Variants in NTM observed in about 807,000 individuals in gnomAD.
NTM encodes neurotrimin, also known as IgLON family member 2.
In NTM, 13 loss-of-function variants were observed where a neutral mutation model predicts 42.1. That is an observed-to-expected ratio of 0.31 (90% CI 0.20 to 0.49). NTM has a LOEUF of 0.49. NTM is among the 20% of genes least tolerant of loss of function. NTM has a pLI of 0.99. For synonymous variants in NTM, 187 were observed against 179.2 expected (o/e 1.04, Z -0.35); for missense variants, 373 against 452.8 (o/e 0.82, Z 1.60).
At chr11:132,275,342 A>G (rs1274528707) in intron 4 of NTM, among the ~76,000 whole-genome samples, 4 of 152,020 alleles carry the variant, frequency 2.6e-5, no homozygotes, top group Non-Finnish European at 4.4e-5. Context: ...AAATCAATTG[A>G]CTTTATATGT....
chr11:131,689,502 A>G (rs995746184), intron 1 of NTM, among the ~76,000 whole-genome samples: 1 of 152,252 alleles, frequency 6.6e-6, no homozygotes, highest in African/African-American at 2.4e-5. Flanking sequence ...TCCCTAGGCC[A>G]GACTCATGAG....
chr11:132,270,210 G>A (rs1391033879), intron 4 of NTM, among the ~76,000 whole-genome samples: 1 of 152,022 alleles, frequency 6.6e-6, no homozygotes, highest in Non-Finnish European at 1.5e-5. Flanking sequence ...ATTTTATTAA[G>A]AGACCATATA....
intron 1 of NTM, among the ~76,000 whole-genome samples, chr11:131,699,648 G>T (rs115809118): frequency 6.6e-6 from 1 of 152,102 alleles, no homozygotes; most frequent in Non-Finnish European, 1.5e-5. Context: ...GAGGCCTCAG[G>T]CAGCTTACAA....
intron 1 of NTM, among the ~76,000 whole-genome samples, chr11:131,524,191 G>A (rs925529829): frequency 6.6e-6 from 1 of 152,184 alleles, no homozygotes; most frequent in Non-Finnish European, 1.5e-5. Flanking sequence ...AGACAGCTTC[G>A]CTCTCACGCC....
At chr11:131,680,992 CGTGT>C (rs1484375308) in intron 1 of NTM, among the ~76,000 whole-genome samples, 1 of 18,612 alleles carries the variant, frequency 5.4e-5, no homozygotes, top group Non-Finnish European at 1.2e-4. Context: ...TGTGTGTGAG[CGTGT>C]GTGTTTCTGT....
Position 131,473,298 on chromosome 11 carries a change from A to T in NTM, c.82+102410A>T, listed in dbSNP as rs902772821. Among the ~76,000 whole-genome samples the T allele has an allele frequency of 6.6e-5, 10 of 152,108 alleles. No individual in the cohort carries two copies. In the East Asian group the frequency reaches 1.4e-3, roughly 21 times the overall value. ...TGTGGCATGGCAGCTCCATGTCCAA[A>T]CACAAATCTCCCATGCTTTGACAAC... On this transcript the variant is annotated intron_variant, in intron 1 of 8. Transcript: ENST00000683400.
At chr11:132,155,478 C>A (rs189813951) in intron 3 of NTM, among the ~76,000 whole-genome samples, 1 of 152,140 alleles carries the variant, frequency 6.6e-6, no homozygotes, top group African/African-American at 2.4e-5. Context: ...GATGTGGGTC[C>A]CTGTTCCCAG....
chr11:132,099,538 G>A (rs910995145), intron 2 of NTM, among the ~76,000 whole-genome samples: 2 of 152,138 alleles, frequency 1.3e-5, no homozygotes, highest in African/African-American at 4.8e-5. Context: ...CTAAAGGACT[G>A]AGGGACAAAG....
chr11:131,643,390 G>A (rs1489218445), intron 1 of NTM, among the ~76,000 whole-genome samples: 1 of 152,192 alleles, frequency 6.6e-6, no homozygotes, highest in Non-Finnish European at 1.5e-5. Flanking sequence ...GGGTGTGCGC[G>A]GAGCGGCCCA....
At chr11:131,840,869 G>A (rs544966905) in intron 1 of NTM, among the ~76,000 whole-genome samples, 7 of 152,218 alleles carry the variant, frequency 4.6e-5, no homozygotes, top group African/African-American at 1.4e-4. Flanking sequence ...TGAGGCCATC[G>A]GGCAAATCTG....
chr11:131,441,072 G>A (rs1949587641), intron 1 of NTM, among the ~76,000 whole-genome samples: 1 of 152,060 alleles, frequency 6.6e-6, no homozygotes, highest in South Asian at 2.1e-4. Context: ...TTGTTTTAAA[G>A]GGGTATTGGG....
Position 131,911,194 on chromosome 11 carries a change from TC to T in NTM, c.83-365del, listed in dbSNP as rs1209818031. 25 of 1,363,652 alleles carry T rather than the reference TC, an allele frequency of 1.8e-5. No homozygotes were observed. The African/African-American group carries it at 1.9e-4, about 10-fold the overall frequency. The allele number at this position is 1,363,652 out of a possible 1,614,324, so 84.5% of individuals were successfully genotyped here. On this transcript the variant is annotated intron_variant, in intron 1 of 8. Transcript: ENST00000683400. Reference sequence around the variant, plus strand: ...CCACACCTTTCACCTGCCGCGCGCTTCCCCCTCCTCGGCCACCTTCCCGGCG... The same window carrying T: ...CCACACCTTTCACCTGCCGCGCGCTTCCCCTCCTCGGCCACCTTCCCGGCG...
intron 1 of NTM, among the ~76,000 whole-genome samples, chr11:131,556,563 ATTT>A (rs34911090): frequency 1.7e-3 from 165 of 98,410 alleles, no homozygotes; most frequent in Middle Eastern, 4.8e-3. Context: ...ACACATAGGA[ATTT>A]TTTTTTTTTT....
chr11:131,537,321 C>T (rs2052422152), intron 1 of NTM: 1 of 152,196 alleles, frequency 6.6e-6, no homozygotes, highest in African/African-American at 2.4e-5. Flanking sequence ...GCCTGTCTCC[C>T]AAGCAGGGGC....
intron 1 of NTM, among the ~76,000 whole-genome samples, chr11:131,749,171 C>T (rs7950369): frequency 0.2 from 30,872 of 152,082 alleles, 4,569 homozygotes; most frequent in African/African-American, 0.42. Flanking sequence ...CAACTCAGTA[C>T]TGGAAATCAT....
At chr11:132,202,523 A>T (rs2138490556) in intron 3 of NTM, among the ~76,000 whole-genome samples, 1 of 152,282 alleles carries the variant, frequency 6.6e-6, no homozygotes, top group South Asian at 2.1e-4. Flanking sequence ...CCACATCATG[A>T]TCACTGATAC....
At chr11:131,651,765 C>A (rs773589505) in intron 1 of NTM, among the ~76,000 whole-genome samples, 1 of 151,962 alleles carries the variant, frequency 6.6e-6, no homozygotes, top group Non-Finnish European at 1.5e-5. Flanking sequence ...CGCTTGAACG[C>A]AGGAGGCGGA....
intron 1 of NTM, among the ~76,000 whole-genome samples, chr11:131,763,956 C>T: frequency 6.6e-6 from 1 of 151,910 alleles, no homozygotes; most frequent in East Asian, 1.9e-4. Flanking sequence ...TGTAACTCTG[C>T]AATTCTGCAA....
intron 1 of NTM, among the ~76,000 whole-genome samples, chr11:131,751,058 A>T (rs944533527): frequency 6.6e-6 from 1 of 151,916 alleles, no homozygotes; most frequent in Non-Finnish European, 1.5e-5. Context: ...CCACCCTCCT[A>T]ATCACTCTTC....
Sources: gnomAD v4.1 joint callset for allele counts (sites outside exome capture counted in the v4.1 genomes callset) on GRCh38, gnomAD v4.1.1 for gene constraint, MANE v1.5 for transcripts, NCBI Gene and HGNC (gene_info 2026-07-23, HGNC 2026-07-21) for gene names.